Variants in ZNF652 observed in about 807,000 individuals in gnomAD.
The protein encoded by ZNF652 is zinc finger protein 652.
ZNF652 carries 16 observed loss-of-function variants against 45.2 expected under a neutral mutation model. That is an observed-to-expected ratio of 0.35 (90% CI 0.24 to 0.54). The LOEUF is 0.54. Ranked by LOEUF, ZNF652 falls within the 20% of genes least tolerant of loss-of-function variation. The pLI is 0.91. For missense variants in ZNF652, 614 were observed against 765.6 expected (o/e 0.80, Z 2.34); for synonymous variants, 250 against 260.6 (o/e 0.96, Z 0.39).
chr17:49,302,917 G>C (rs531236430), intron 5 of ZNF652, among the ~76,000 whole-genome samples: 2 of 151,960 alleles, frequency 1.3e-5, no homozygotes, highest in Non-Finnish European at 2.9e-5. Flanking sequence ...AGCCGAGATC[G>C]TGCCATTGCA....
chr17:49,350,970 CATATATATATATATATAT>C (rs372720324), intron 1 of ZNF652, among the ~76,000 whole-genome samples: 42 of 42,282 alleles, frequency 9.9e-4, no homozygotes, highest in East Asian at 9.9e-3. Flanking sequence ...ACTCTGTCTA[CATATATATATATATATAT>C]ATATATATAT....
chr17:49,329,418 C>T (rs1261131683), intron 1 of ZNF652, among the ~76,000 whole-genome samples: 4 of 152,132 alleles, frequency 2.6e-5, no homozygotes, highest in Non-Finnish European at 5.9e-5. Flanking sequence ...ACAATATCGA[C>T]CTGTAAATAG....
In ZNF652 at chr17:49,317,861, G is replaced by T; in HGVS notation, c.-136C>A. On this transcript the variant is annotated 5_prime_UTR_variant, in exon 2 of 6. Coordinates refer to ENST00000430262, the MANE Select transcript of ZNF652 (RefSeq NM_001145365.3). Reference sequence around the variant, plus strand: ...AAAAAAAGATATTCCTGGAAACTGTGTGCAATTCTTCCAGTGTTGCAGCAC... The same window carrying T: ...AAAAAAAGATATTCCTGGAAACTGTTTGCAATTCTTCCAGTGTTGCAGCAC... The T allele has an allele frequency of 9.9e-7, 1 of 1,012,972 alleles. No homozygotes were observed. Among genetic ancestry groups the T allele is most frequent in the Non-Finnish European group, 1.4e-6 (1 of 728,750 alleles). The allele number at this position is 1,012,972 out of a possible 1,614,324, so 62.7% of individuals were successfully genotyped here.
intron 2 of ZNF652, among the ~76,000 whole-genome samples, chr17:49,314,217 A>T (rs905315547): frequency 1.3e-5 from 2 of 151,556 alleles, no homozygotes; most frequent in Admixed American, 1.3e-4. Flanking sequence ...GCTGGAGTGC[A>T]GTGGTGTGAT....
intron 5 of ZNF652, among the ~76,000 whole-genome samples, chr17:49,303,611 A>T (rs2069585373): frequency 6.6e-6 from 1 of 152,120 alleles, no homozygotes; most frequent in African/African-American, 2.4e-5. Context: ...ATGTTTGATT[A>T]ACCTCTAAGC....
intron 1 of ZNF652, among the ~76,000 whole-genome samples, chr17:49,342,126 C>CAGTGAGCCAAG (rs1379106635): frequency 6.6e-6 from 1 of 151,162 alleles, no homozygotes; most frequent in Non-Finnish European, 1.5e-5. Flanking sequence ...GCAGAGTTTG[C>CAGTGAGCCAAG]AGTGAGCCAA....
chr17:49,361,670 AGG>A (rs2070396465), intron 1 of ZNF652, among the ~76,000 whole-genome samples: 1 of 152,042 alleles, frequency 6.6e-6, no homozygotes, highest in South Asian at 2.1e-4. Flanking sequence ...TCCAGGAGGA[AGG>A]GGGCGAAAGA....
At position 49,292,975 on chromosome 17, in the gene ZNF652, C is replaced by A. The variant is rs2069423206; in HGVS notation, c.*5438G>T. Among the ~76,000 whole-genome samples, 1 of 152,038 alleles carries A rather than the reference C, an allele frequency of 6.6e-6. No homozygotes were observed. Among genetic ancestry groups the A allele is most frequent in the South Asian group, 2.1e-4 (1 of 4,822 alleles). ...GGATTTAGATCAGGAAAAGAATGTT[C>A]CAGGATGCTGGCATTTTGAAGGCAC... On this transcript the variant is annotated 3_prime_UTR_variant, in exon 6 of 6. Transcript: ENST00000430262.
At chr17:49,355,895 AT>A (rs2070331158) in intron 1 of ZNF652, among the ~76,000 whole-genome samples, 1 of 152,122 alleles carries the variant, frequency 6.6e-6, no homozygotes, top group African/African-American at 2.4e-5. Context: ...CGAGACACCA[AT>A]TAAAAAAAAA....
chr17:49,333,105 T>C lies in ZNF652; in HGVS notation c.-258-15122A>G, dbSNP rs374432625. Among the ~76,000 whole-genome samples, 30 of 151,706 alleles carry C rather than the reference T, an allele frequency of 2.0e-4. No individual in the cohort carries two copies. The South Asian group carries it at 4.6e-3, about 23-fold the overall frequency. On this transcript the variant is annotated intron_variant, in intron 1 of 5. Coordinates refer to ENST00000430262, the MANE Select transcript of ZNF652 (RefSeq NM_001145365.3). ...CAGAGTCTCGCTCTGTCGCCCAGGC[T>C]GGAGTGCAGTGGCGCGATCTCAGCT... is the stretch of plus-strand genomic sequence containing the variant.
At chr17:49,350,527 G>C (rs1228637766) in intron 1 of ZNF652, among the ~76,000 whole-genome samples, 1 of 131,858 alleles carries the variant, frequency 7.6e-6, no homozygotes, top group Non-Finnish European at 1.6e-5. Context: ...TGACAGAGAT[G>C]AGAGACTCCG....
rs767590205 is a variant in ZNF652 at position 49,317,715 on chromosome 17, G to A, written c.11C>T (p.Thr4Ile). 7.6e-6 allele frequency: 12 copies of A among 1,585,420 alleles called. No homozygotes were observed. In the East Asian group the frequency reaches 1.1e-4, roughly 15 times the overall value. MSH[T>I]ASSCQELVEN... ...AACCAGCTCCTGACAAGAACTGGCT[G>A]TGTGGCTCATTGGTAAGTGGCCCAA... is the stretch of plus-strand genomic sequence containing the variant. Residue 4 changes from threonine to isoleucine, a missense_variant, in exon 2 of 6, where the codon ACA (threonine) becomes ATA (isoleucine). Coordinates refer to ENST00000430262, the MANE Select transcript of ZNF652 (RefSeq NM_001145365.3).
intron 1 of ZNF652, among the ~76,000 whole-genome samples, chr17:49,358,502 T>C (rs879531935): frequency 2.6e-5 from 4 of 152,212 alleles, no homozygotes; most frequent in Admixed American, 2.0e-4. Flanking sequence ...CAGCTGACTT[T>C]TTTATAACAA....
intron 5 of ZNF652, among the ~76,000 whole-genome samples, chr17:49,299,306 T>C (rs902902391): frequency 7.2e-5 from 11 of 152,224 alleles, no homozygotes; most frequent in African/African-American, 2.4e-4. Flanking sequence ...TCAAATGGCT[T>C]TCTGTGCTCA....
Position 49,311,261 on chromosome 17 carries a change from C to T in ZNF652, c.1309+51G>A. The stretch of plus-strand genomic sequence containing the variant: ...TTTAAAAAACAGACCCACAGATGAT[C>T]ATCAACAAGTGCTTGAGACATTATC... On this transcript the variant is annotated intron_variant, in intron 5 of 5. Transcript: ENST00000430262. 1.9e-6 allele frequency: 3 copies of T among 1,557,886 alleles called. No homozygotes were observed. The South Asian group carries it at 3.6e-5, about 18-fold the overall frequency.
Position 49,314,700 on chromosome 17 carries a change from T to A in ZNF652, c.901-1855A>T, listed in dbSNP as rs138646023. ...ATACTAGAAAGCTCTTGGTAATCAT[T>A]AGACCCTTGGATACTTAAGGGAACA... is the stretch of plus-strand genomic sequence containing the variant. On this transcript the variant is annotated intron_variant, in intron 2 of 5. Coordinates refer to ENST00000430262, the MANE Select transcript of ZNF652 (RefSeq NM_001145365.3). 1.2e-4 allele frequency among the ~76,000 whole-genome samples: 19 copies of A among 152,282 alleles called. No individual in the cohort carries two copies. In the East Asian group the frequency reaches 3.7e-3, roughly 29 times the overall value.
rs115562227 is a variant in ZNF652, at chr17:49,326,573, A to T, written c.-258-8590T>A. Among the ~76,000 whole-genome samples, 1,394 of 152,296 alleles carry T rather than the reference A, an allele frequency of 9.2e-3. 22 individuals carry two copies. Among genetic ancestry groups the T allele is most frequent in the African/African-American group, 0.032 (1,320 of 41,544 alleles). ...TCCATGAAGATGAACCTAGGGACCAAAGAAAAAACCGACATGTGAACTACT... is the reference window on the plus strand; with the variant it reads ...TCCATGAAGATGAACCTAGGGACCATAGAAAAAACCGACATGTGAACTACT... On this transcript the variant is annotated intron_variant, in intron 1 of 5. Transcript: ENST00000430262.
At position 49,298,231 on chromosome 17, in the gene ZNF652, C is replaced by G; in HGVS notation, c.*182G>C. 1 of 748,452 alleles carries G rather than the reference C, an allele frequency of 1.3e-6. No individual in the cohort carries two copies. The highest frequency in any genetic ancestry group is 2.1e-6 in the Non-Finnish European group (1 of 479,260). 46.4% of individuals were successfully genotyped at this position (748,452 alleles called of 1,614,324 possible). On this transcript the variant is annotated 3_prime_UTR_variant, in exon 6 of 6. Coordinates refer to ENST00000430262, the MANE Select transcript of ZNF652 (RefSeq NM_001145365.3). The stretch of plus-strand genomic sequence containing the variant: ...GTTCCCCTGGTTTAGATGACAGTCC[C>G]TCTGTGAGCTCAAGGTAGTCTTCTT...
chr17:49,353,547 C>T (rs757852192), intron 1 of ZNF652, among the ~76,000 whole-genome samples: 1 of 152,008 alleles, frequency 6.6e-6, no homozygotes, highest in Non-Finnish European at 1.5e-5. Flanking sequence ...TTTCGGCTTA[C>T]TACAACCTCC....
Sources: allele counts gnomAD v4.1 joint callset (sites outside exome capture counted in the v4.1 genomes callset), GRCh38; gene constraint gnomAD v4.1.1; transcripts MANE v1.5; gene names NCBI Gene and HGNC (gene_info 2026-07-23, HGNC 2026-07-21).